CLTC: variants seen among roughly 807,000 people sequenced by gnomAD.
The protein encoded by CLTC is clathrin heavy chain.
CLTC carries 16 observed loss-of-function variants against 195.8 expected under a neutral mutation model. The ratio of observed to expected loss-of-function variants is 0.08; its 90% CI spans 0.06 to 0.12. CLTC has a LOEUF of 0.12. Ranked by LOEUF, CLTC falls within the 10% of genes least tolerant of loss-of-function variation. CLTC has a pLI of 1.00. For missense variants in CLTC, 796 were observed against 2,027.0 expected (o/e 0.39, Z 11.66); for synonymous variants, 667 against 689.4 (o/e 0.97, Z 0.51).
chr17:59,676,927 T>C, intron 16 of CLTC, 27 bp from the exon 17 acceptor site: 2 of 1,475,754 alleles, frequency 1.4e-6, no homozygotes, highest in Non-Finnish European at 1.9e-6. Context: ...AGTATGTGTG[T>C]GTGAGGTTTT....
intron 2 of CLTC, among the ~76,000 whole-genome samples, chr17:59,646,992 C>A (rs2143504605): frequency 6.6e-6 from 1 of 152,224 alleles, no homozygotes; most frequent in East Asian, 1.9e-4. Context: ...TTTTCTTTCC[C>A]CCATGTGTTT....
chr17:59,694,618 C>T lies in CLTC; in HGVS notation c.*766C>T, dbSNP rs1567979929. 8.8e-6 allele frequency: 2 copies of T among 226,752 alleles called. No homozygotes were observed. The highest frequency in any genetic ancestry group is 1.1e-4 in the Admixed American group (2 of 17,558). The allele number at this position is 226,752 out of a possible 1,614,324, so 14.0% of individuals were successfully genotyped here. Reference sequence around the variant, plus strand: ...TCTTGTGTGTGTTTACTAACCCTTCCCTGAGGTTTGTGTATGTTGGATATT... The same window carrying T: ...TCTTGTGTGTGTTTACTAACCCTTCTCTGAGGTTTGTGTATGTTGGATATT... On this transcript the variant is annotated 3_prime_UTR_variant, in exon 32 of 32. Coordinates refer to ENST00000269122, the MANE Select transcript of CLTC (RefSeq NM_004859.4).
At position 59,682,299 on chromosome 17, in the gene CLTC, G is replaced by A. The variant is rs2033096378; in HGVS notation, c.3471G>A (p.Leu1157=). 22 of 1,614,060 alleles carry A rather than the reference G, an allele frequency of 1.4e-5. No individual in the cohort carries two copies. Among genetic ancestry groups the A allele is most frequent in the Non-Finnish European group, 1.9e-5 (22 of 1,179,930 alleles). ...SGNWEELVKY[L]QMARKKARES... ...ACTGGGAAGAACTGGTGAAGTACTTGCAGATGGCCCGTAAGAAGGCTCGAG... is the reference window on the plus strand; with the variant it reads ...ACTGGGAAGAACTGGTGAAGTACTTACAGATGGCCCGTAAGAAGGCTCGAG... The change falls in exon 22 of 32, where the codon TTG becomes TTA. Residue 1157 remains leucine, a synonymous_variant. Coordinates refer to ENST00000269122, the MANE Select transcript of CLTC (RefSeq NM_004859.4). This position sits in a 1 kb window ranked among gnomAD's most constrained non-coding sequence, Gnocchi z 6.8.
At chr17:59,661,795 T>A (rs1204788707) in intron 8 of CLTC, 152 bp downstream of exon 8, 1 of 719,684 alleles carries the variant, frequency 1.4e-6, no homozygotes, top group Non-Finnish European at 2.3e-6. Context: ...TTCACTTATT[T>A]CCTTTTGAAA....
rs1055103648 is a variant in CLTC, at chr17:59,641,583, G to A, written c.43-2693G>A. Among the ~76,000 whole-genome samples, 38 of 106,862 alleles carry A rather than the reference G, an allele frequency of 3.6e-4. 2 individuals carry two copies. Among genetic ancestry groups the A allele is most frequent in the Non-Finnish European group, 1.7e-5 (1 of 58,914 alleles). The allele number at this position is 106,862 out of a possible 152,430, so 70.1% of individuals were successfully genotyped here. ...GCCACTGTACTCCAGCCTGGCTGGC[G>A]ACAGAGCAAGACTCCATCTCAAAAA... On this transcript the variant is annotated intron_variant, in intron 1 of 31. Transcript: ENST00000269122.
intron 2 of CLTC, 70 bp from the exon 3 acceptor site, chr17:59,647,328 C>T: frequency 8.3e-7 from 1 of 1,211,976 alleles, no homozygotes; most frequent in Non-Finnish European, 1.2e-6. Flanking sequence ...AGTGACAGAG[C>T]TAGTCTAGGT....
chr17:59,664,948 A>AATGG, intron 10 of CLTC, 39 bp downstream of exon 10: 1 of 1,607,954 alleles, frequency 6.2e-7, no homozygotes, highest in Non-Finnish European at 8.5e-7. Context: ...AGCTGATTGA[A>AATGG]ATGGAGAGTG....
intron 30 of CLTC, chr17:59,687,081 G>A: frequency 1.1e-6 from 1 of 909,024 alleles, no homozygotes; most frequent in Non-Finnish European, 1.3e-6. Context: ...GAATTTGCAT[G>A]ATGTTTTTCC....
chr17:59,693,659 TA>T, intron 31 of CLTC, 68 bp from the exon 32 acceptor site: 1 of 1,530,090 alleles, frequency 6.5e-7, no homozygotes, highest in Non-Finnish European at 8.8e-7. Flanking sequence ...TGGAGTGTTC[TA>T]AATGCTAACA....
rs145207931 is a variant in CLTC, at chr17:59,630,200, C to T, written c.42+10027C>T. Among the ~76,000 whole-genome samples the T allele has an allele frequency of 5.0e-3, 758 of 152,200 alleles. 32 individuals are homozygous for T. Among genetic ancestry groups the T allele is most frequent in the Admixed American group, 0.045 (681 of 15,286 alleles). On this transcript the variant is annotated intron_variant, in intron 1 of 31. Transcript: ENST00000269122. Reference sequence around the variant, plus strand: ...ATTTTTTTGTAGAAATGGGCTTTGGCCATGTTGCCCAGGCTGGCCTCGAAC... The same window carrying T: ...ATTTTTTTGTAGAAATGGGCTTTGGTCATGTTGCCCAGGCTGGCCTCGAAC...
intron 14 of CLTC, among the ~76,000 whole-genome samples, chr17:59,669,538 A>G (rs761821354): frequency 1.3e-5 from 2 of 152,196 alleles, no homozygotes; most frequent in Non-Finnish European, 2.9e-5. Context: ...TGAACTCTAG[A>G]ACATCCCTAA....
rs2033114160 is a variant in CLTC at position 59,683,197 on chromosome 17, A to G, written c.3976A>G (p.Lys1326Glu). The change falls in exon 25 of 32, where the codon AAA becomes GAA. Residue 1326 changes from lysine to glutamate, a missense_variant. Around this residue, in one of 9 missense-constraint regions of CLTC, gnomAD observed 102 missense variants for 317.6 expected, o/e 0.32. Coordinates refer to ENST00000269122, the MANE Select transcript of CLTC (RefSeq NM_004859.4). The surrounding 1 kb of genome is among the most constrained non-coding windows in gnomAD (Gnocchi z 6.1). The part of the protein sequence containing the change: ...MFTELAILYS[K>E]FKPQKMREHL... ...TACTGAATTAGCTATTCTATACTCT[A>G]AATTTAAGCCTCAGAAAATGAGGGA... The G allele has an allele frequency of 6.2e-7, 1 of 1,614,018 alleles. No homozygotes were observed. Among genetic ancestry groups the G allele is most frequent in the Non-Finnish European group, 8.5e-7 (1 of 1,180,000 alleles).
At chr17:59,680,300 G>A (rs2033056922) in intron 18 of CLTC, among the ~76,000 whole-genome samples, 1 of 152,092 alleles carries the variant, frequency 6.6e-6, no homozygotes, top group Non-Finnish European at 1.5e-5. Context: ...GTATAGAACT[G>A]CAAATGAGAT....
At chr17:59,674,565 G>C in intron 15 of CLTC, 136 bp from the exon 16 acceptor site, 2 of 738,104 alleles carry the variant, frequency 2.7e-6, no homozygotes, top group Non-Finnish European at 4.2e-6. Context: ...TAGACCCTCA[G>C]TTTATTACTG....
rs777726223 is a variant in CLTC at position 59,647,555 on chromosome 17, T to C, written c.408T>C (p.Ser136=). ...AVYHWSMEGE[S]QPVKMFDRHS... ...ATCACTGGAGTATGGAAGGAGAGTC[T>C]CAGCCAGTGAAAATGTTTGATCGCC... Residue 136 remains serine (S), a synonymous_variant, in exon 3 of 32, where the codon TCT becomes TCC. Transcript: ENST00000269122. The C allele has an allele frequency of 9.3e-6, 15 of 1,614,182 alleles. No homozygotes were observed. The highest frequency in any genetic ancestry group is 6.7e-5 in the Admixed American group (4 of 60,022).
At position 59,625,254 on chromosome 17, in the gene CLTC, G is replaced by A. The variant is rs568346825; in HGVS notation, c.42+5081G>A. Among the ~76,000 whole-genome samples, 66 of 151,812 alleles carry A rather than the reference G, an allele frequency of 4.3e-4. 1 individual carries two copies. The highest frequency in any genetic ancestry group is 1.5e-3 in the African/African-American group (64 of 41,394). On this transcript the variant is annotated intron_variant, in intron 1 of 31. Transcript: ENST00000269122. Reference sequence around the variant, plus strand: ...CTCCCGAGTCGCTGGGACTACAGGCGCGTGCTACCACGCCCAGCTATTTTT... The same window carrying A: ...CTCCCGAGTCGCTGGGACTACAGGCACGTGCTACCACGCCCAGCTATTTTT...
In CLTC at chr17:59,681,135, C is replaced by A. The variant is rs576549373; in HGVS notation, c.3065+78C>A. ...ATGGCCCATCAGTTTTGGGAAGGAA[C>A]AAAAAGATCAGAGAAAGTTGCCTGA... On this transcript the variant is annotated intron_variant, in intron 19 of 31. Transcript: ENST00000269122. The surrounding 1 kb of genome is among the most constrained non-coding windows in gnomAD (Gnocchi z 5.0). 1 of 1,525,970 alleles carries A rather than the reference C, an allele frequency of 6.6e-7. No homozygotes were observed. The highest frequency in any genetic ancestry group is 1.4e-5 in the African/African-American group (1 of 72,142). 94.5% of individuals were successfully genotyped at this position (1,525,970 alleles called of 1,614,324 possible).
intron 10 of CLTC, 79 bp downstream of exon 10, chr17:59,664,988 T>G: frequency 1.3e-6 from 2 of 1,558,322 alleles, no homozygotes; most frequent in South Asian, 2.3e-5. Context: ...GACTTGGGAG[T>G]CCAAGGTGGG....
intron 10 of CLTC, among the ~76,000 whole-genome samples, 199 bp from the exon 11 acceptor site, chr17:59,665,904 T>C (rs1455777743): frequency 6.6e-6 from 1 of 152,172 alleles, no homozygotes; most frequent in Non-Finnish European, 1.5e-5. Flanking sequence ...ATTCTGCTGT[T>C]ATGTAATATC....
Sources: gnomAD v4.1 joint callset for allele counts (sites outside exome capture counted in the v4.1 genomes callset) on GRCh38, gnomAD v4.1.1 for gene constraint, gnomAD v4.1.1 regional missense constraint, Gnocchi (gnomAD v3.1) non-coding constraint, MANE v1.5 for transcripts, NCBI Gene and HGNC (gene_info 2026-07-23, HGNC 2026-07-21) for gene names.